The following COL4A6 variants were observed in gnomAD, a reference collection of about 807,000 sequenced individuals.
COL4A6 encodes collagen alpha-6(IV) chain.
A neutral mutation model predicts 126.7 loss-of-function variants in COL4A6; 59 were observed. The observed-to-expected ratio is 0.47, with a 90% CI of 0.38 to 0.58. COL4A6 has a LOEUF of 0.58. Ranked by LOEUF, COL4A6 falls within the 20% of genes least tolerant of loss-of-function variation. The probability of loss-of-function intolerance (pLI) is 0.00; values close to 1 mark genes in which losing one functional copy is unlikely to be tolerated. For synonymous variants in COL4A6, 547 were observed against 496.6 expected, an observed-to-expected ratio of 1.10 and a Z score of -1.35; for missense variants, 1,285 against 1,337.3, an observed-to-expected ratio of 0.96 and a Z score of 0.61.
intron 2 of COL4A6, among the ~76,000 whole-genome samples, chrX:108,327,391 A>T (rs1416568560): frequency 3.0e-5 from 3 of 100,267 alleles, no homozygotes; most frequent in Non-Finnish European, 4.0e-5. Flanking sequence ...AAGGTTGGGG[A>T]CTGCTGACAT....
chrX:108,343,165 A>ATATAGTGTGT (rs1377817612), intron 2 of COL4A6, among the ~76,000 whole-genome samples: 18 of 31,412 alleles, frequency 5.7e-4, no homozygotes, highest in South Asian at 4.2e-3. Context: ...ATATATATAT[A>ATATAGTGTGT]GTGTGTGTGT....
intron 3 of COL4A6, among the ~76,000 whole-genome samples, chrX:108,230,539 T>A (rs2036276300): frequency 9.0e-6 from 1 of 111,729 alleles, no homozygotes; most frequent in Non-Finnish European, 1.9e-5. Context: ...TGGGGGGAAA[T>A]GCAAGAACTT....
At position 108,319,187 on chromosome X, in the gene COL4A6, G is replaced by A. The variant is rs192545356; in HGVS notation, c.64-8359C>T. 3.3e-3 allele frequency among the ~76,000 whole-genome samples: 364 copies of A among 111,870 alleles called. 3 individuals carry two copies. The highest frequency in any genetic ancestry group is 0.011 in the African/African-American group (348 of 30,792). Reference sequence around the variant, plus strand: ...AGCCGAGGAGTTCGAGACCAGCCTGGGCAACATGGTGATACCCCATCTCTA... The same window carrying A: ...AGCCGAGGAGTTCGAGACCAGCCTGAGCAACATGGTGATACCCCATCTCTA... On this transcript the variant is annotated intron_variant, in intron 2 of 44. Coordinates refer to ENST00000334504, the MANE Select transcript of COL4A6 (RefSeq NM_033641.4).
intron 3 of COL4A6, among the ~76,000 whole-genome samples, chrX:108,256,663 T>TTG (rs1569386385): frequency 9.0e-6 from 1 of 111,176 alleles, no homozygotes; most frequent in African/African-American, 3.3e-5. Flanking sequence ...ATCAGCATCA[T>TTG]TTGGGAGCTT....
chrX:108,354,152 C>T (rs1304304383), intron 2 of COL4A6, among the ~76,000 whole-genome samples: 1 of 110,331 alleles, frequency 9.1e-6, no homozygotes, highest in Non-Finnish European at 1.9e-5. Context: ...CAGAGTTAGA[C>T]TCCATCTCAA....
chrX:108,400,900 T>C (rs150179176), intron 2 of COL4A6, among the ~76,000 whole-genome samples: 1,463 of 111,943 alleles, frequency 0.013, 13 homozygotes, highest in South Asian at 0.033. Context: ...ATCAAGAATT[T>C]TCTTTAGCCT....
intron 3 of COL4A6, among the ~76,000 whole-genome samples, chrX:108,295,599 C>T (rs2038299893): frequency 8.9e-6 from 1 of 112,351 alleles, no homozygotes; most frequent in Non-Finnish European, 1.9e-5. Context: ...TTATGCAAAT[C>T]GGACTAAACT....
intron 13 of COL4A6, among the ~76,000 whole-genome samples, chrX:108,201,590 G>C (rs1022634609): frequency 1.3e-4 from 14 of 111,724 alleles, no homozygotes; most frequent in African/African-American, 4.6e-4. Context: ...CTTCAGATTG[G>C]CCATAAATTG....
chrX:108,210,097 A>G, intron 7 of COL4A6, 93 bp from the exon 8 acceptor site: 1 of 901,575 alleles, frequency 1.1e-6, no homozygotes, highest in Non-Finnish European at 1.6e-6. Flanking sequence ...ACAAAAACAC[A>G]TCTCTGAACC....
Position 108,162,944 on chromosome X carries a change from G to T in COL4A6, c.4164C>A (p.Gly1388=). 1 of 1,202,806 alleles carries T rather than the reference G, an allele frequency of 8.3e-7. No homozygotes were observed. Among genetic ancestry groups the T allele is most frequent in the Non-Finnish European group, 1.1e-6 (1 of 891,158 alleles). ...PGPLGLPGID[G]IPGLTGDPGA... ...CAGGGTCCCCAGTGAGGCCAGGGAT[G>T]CCATCGATCCCTGGTAGACCCAAGG... Residue 1388 remains glycine (G), a synonymous_variant, in exon 41 of 45, where the codon GGC becomes GGA. Transcript: ENST00000334504.
intron 2 of COL4A6, among the ~76,000 whole-genome samples, chrX:108,359,989 G>T (rs916001763): frequency 2.7e-5 from 3 of 111,926 alleles, no homozygotes; most frequent in Non-Finnish European, 5.6e-5. Context: ...CATTAACCTT[G>T]GAAGAGAAGT....
chrX:108,329,686 G>C (rs988954488), intron 2 of COL4A6, among the ~76,000 whole-genome samples: 2 of 111,694 alleles, frequency 1.8e-5, no homozygotes, highest in Non-Finnish European at 3.8e-5. Context: ...TCTATGAATT[G>C]GTAAATTTGA....
At chrX:108,170,977 A>T in intron 33 of COL4A6, 60 bp from the exon 34 acceptor site, 1 of 1,003,061 alleles carries the variant, frequency 1.0e-6, no homozygotes, top group Non-Finnish European at 1.4e-6. Context: ...GTATTCCTCT[A>T]TGGGAAAGAG....
At chrX:108,222,084 T>C (rs2036032989) in intron 3 of COL4A6, among the ~76,000 whole-genome samples, 1 of 112,813 alleles carries the variant, frequency 8.9e-6, no homozygotes, top group Non-Finnish European at 1.9e-5. Flanking sequence ...TCAATTATGA[T>C]AGCAAGAGGG....
In COL4A6 at chrX:108,191,958, C is replaced by T. The variant is rs747176660; in HGVS notation, c.1181-425G>A. Among the ~76,000 whole-genome samples, 3 of 112,235 alleles carry T rather than the reference C, an allele frequency of 2.7e-5. No individual in the cohort carries two copies. In the South Asian group the frequency reaches 1.1e-3, roughly 42 times the overall value. ...GTTGAACTTTATATCTGGGGCATCA[C>T]TGCCTCCCAGACTCTGGCATGCCCT... On this transcript the variant is annotated intron_variant, in intron 18 of 44. Coordinates refer to ENST00000334504, the MANE Select transcript of COL4A6 (RefSeq NM_033641.4).
At chrX:108,383,764 T>C in intron 2 of COL4A6, 1 of 520,090 alleles carries the variant, frequency 1.9e-6, no homozygotes, top group Non-Finnish European at 3.5e-6. Flanking sequence ...AGTGAGTGGG[T>C]ACATCAGGAT....
intron 40 of COL4A6, 52 bp from the exon 41 acceptor site, chrX:108,163,090 A>T (rs2034014386): frequency 1.8e-6 from 2 of 1,140,996 alleles, no homozygotes; most frequent in South Asian, 2.0e-5. Context: ...GAGGGAGGTG[A>T]CGGGGGCCCC....
intron 2 of COL4A6, among the ~76,000 whole-genome samples, chrX:108,318,303 A>G (rs940824850): frequency 2.3e-4 from 26 of 111,937 alleles, no homozygotes; most frequent in African/African-American, 8.1e-4. Flanking sequence ...ATTCCCTTTG[A>G]AAACTGGCAC....
chrX:108,347,677 A>G (rs2039740387), intron 2 of COL4A6, among the ~76,000 whole-genome samples: 1 of 111,180 alleles, frequency 9.0e-6, no homozygotes, highest in Non-Finnish European at 1.9e-5. Flanking sequence ...TCCCAGAGTC[A>G]GTCATCTAGC....
Sources: gnomAD v4.1 joint callset for allele counts (sites outside exome capture counted in the v4.1 genomes callset) on GRCh38, gnomAD v4.1.1 for gene constraint, MANE v1.5 for transcripts, NCBI Gene and HGNC (gene_info 2026-07-23, HGNC 2026-07-21) for gene names.